The following NFILZ variants were observed in gnomAD, a reference collection of about 807,000 sequenced individuals.
The protein encoded by NFILZ is NFIL3 like basic leucine zipper.
At chr19:8,652,261 C>T (rs1283678083) in intron 3 of NFILZ, among the ~76,000 whole-genome samples, 1 of 152,158 alleles carries the variant, frequency 6.6e-6, no homozygotes, top group Non-Finnish European at 1.5e-5. Context: ...CGCCACCACA[C>T]CCGGCTAATT....
chr19:8,656,036 T>A (rs2042990646), intron 3 of NFILZ, among the ~76,000 whole-genome samples: 1 of 151,878 alleles, frequency 6.6e-6, no homozygotes, highest in Admixed American at 6.6e-5. Context: ...CTCTCCGAGG[T>A]TCTCTTCCTC....
Position 8,633,021 on chromosome 19 carries a change from C to CTTTT in NFILZ, c.-261+410_-261+413dup, listed in dbSNP as rs140247462. 6.1e-3 allele frequency among the ~76,000 whole-genome samples: 725 copies of CTTTT among 118,444 alleles called. 43 individuals are homozygous for CTTTT. Among genetic ancestry groups the CTTTT allele is most frequent in the African/African-American group, 0.023 (681 of 28,992 alleles). 77.7% of individuals were successfully genotyped at this position (118,444 alleles called of 152,430 possible). A position where few individuals can be genotyped will look rare whatever the true frequency, so the allele number is the denominator to read the frequency against. On this transcript the variant is annotated intron_variant, in intron 2 of 5. Transcript: ENST00000691075. ...TACAGGCATGAACCACTGCACCTGC[C>CTTTT]TTTTTTTTTTTTTTTTTGAGACAGA...
At chr19:8,665,419 G>C (rs1205194994) in intron 3 of NFILZ, among the ~76,000 whole-genome samples, 2 of 152,160 alleles carry the variant, frequency 1.3e-5, no homozygotes, top group African/African-American at 4.8e-5. Context: ...AAGGGATAGA[G>C]AAAAGCCTGG....
intron 4 of NFILZ, among the ~76,000 whole-genome samples, chr19:8,674,957 T>A (rs373869311): frequency 6.6e-6 from 1 of 151,302 alleles, no homozygotes; most frequent in Non-Finnish European, 1.5e-5. Context: ...AAAAATGTGG[T>A]GTCTTTCATG....
intron 3 of NFILZ, among the ~76,000 whole-genome samples, chr19:8,657,393 C>T (rs370920262): frequency 3.9e-5 from 6 of 151,984 alleles, no homozygotes; most frequent in Non-Finnish European, 7.4e-5. Flanking sequence ...TCAGCCACCG[C>T]GCCTGGCCTG....
intron 3 of NFILZ, among the ~76,000 whole-genome samples, chr19:8,637,930 A>G (rs1258134427): frequency 1.3e-5 from 2 of 149,322 alleles, no homozygotes; most frequent in African/African-American, 2.5e-5. Context: ...AAAAAAAAAA[A>G]AAAAGAAAAG....
At chr19:8,673,483 G>A (rs182835993) in intron 3 of NFILZ, among the ~76,000 whole-genome samples, 288 of 152,346 alleles carry the variant, frequency 1.9e-3, no homozygotes, top group African/African-American at 6.6e-3. Flanking sequence ...GTGGGCAGGT[G>A]TGGAGCCGCC....
intron 3 of NFILZ, among the ~76,000 whole-genome samples, chr19:8,656,144 C>G: frequency 6.6e-6 from 1 of 151,938 alleles, no homozygotes; most frequent in Admixed American, 6.6e-5. Flanking sequence ...CTGCCTCCAT[C>G]TGAGAAGGCC....
At chr19:8,631,830 TTGTGTGTGTG>T (rs71179868) in intron 1 of NFILZ, among the ~76,000 whole-genome samples, 25 of 146,010 alleles carry the variant, frequency 1.7e-4, no homozygotes, top group East Asian at 4.2e-4. Flanking sequence ...GTCCTCGCTT[TTGTGTGTGTG>T]TGTGTGTGTG....
chr19:8,652,821 CTT>C (rs1333628299), intron 3 of NFILZ, among the ~76,000 whole-genome samples: 4 of 147,260 alleles, frequency 2.7e-5, no homozygotes, highest in South Asian at 2.1e-4. Flanking sequence ...CTCTCTCTCT[CTT>C]CTTTCTCACT....
chr19:8,675,970 T>TA (rs1178559559), intron 4 of NFILZ, among the ~76,000 whole-genome samples: 6 of 151,946 alleles, frequency 3.9e-5, no homozygotes, highest in African/African-American at 1.2e-4. Context: ...CAATGTGATT[T>TA]AAAAAAAATG....
At position 8,678,046 on chromosome 19, in the gene NFILZ, A is replaced by AT. The variant is rs2043120795; in HGVS notation, c.*412dup. Reference sequence around the variant, plus strand: ...TATCCATCTATCCATCCATCCATCCATCCATCCACCCATCTATTCATCCAT... The same window carrying AT: ...TATCCATCTATCCATCCATCCATCCATTCCATCCACCCATCTATTCATCCAT... On this transcript the variant is annotated 3_prime_UTR_variant, in exon 6 of 6. Transcript: ENST00000691075. Among the ~76,000 whole-genome samples the AT allele has an allele frequency of 2.4e-5, 1 of 41,458 alleles. No homozygotes were observed. The highest frequency in any genetic ancestry group is 5.0e-5 in the Non-Finnish European group (1 of 19,988). 27.2% of individuals were successfully genotyped at this position (41,458 alleles called of 152,430 possible).
intron 3 of NFILZ, among the ~76,000 whole-genome samples, chr19:8,660,564 C>A (rs1202473760): frequency 1.6e-5 from 2 of 128,560 alleles, no homozygotes; most frequent in East Asian, 4.1e-4. Flanking sequence ...TCCTTCCTTC[C>A]TTCCTCCCCT....
At chr19:8,676,680 ATAAAT>A (rs1290121470) in intron 5 of NFILZ, among the ~76,000 whole-genome samples, 66 bp from the exon 6 acceptor site, 1 of 152,180 alleles carries the variant, frequency 6.6e-6, no homozygotes, top group Non-Finnish European at 1.5e-5. Context: ...GAGACAAAGG[ATAAAT>A]TAGAGAAAGG....
At position 8,669,440 on chromosome 19, in the gene NFILZ, C is replaced by G. The variant is rs956295805; in HGVS notation, c.-163-5111C>G. On this transcript the variant is annotated intron_variant, in intron 3 of 5. Coordinates refer to ENST00000691075, the MANE Select transcript of NFILZ (RefSeq NM_001378600.1). ...ACCTGACTTGCCCAGGCACACTTAG[C>G]TAGGGAGGAAAATTTGAACCCAGTT... Among the ~76,000 whole-genome samples, 8 of 152,140 alleles carry G rather than the reference C, an allele frequency of 5.3e-5. No homozygotes were observed. The East Asian group carries it at 1.5e-3, about 29-fold the overall frequency.
intron 3 of NFILZ, among the ~76,000 whole-genome samples, chr19:8,671,981 C>T (rs1203550787): frequency 2.6e-5 from 4 of 152,230 alleles, no homozygotes; most frequent in Non-Finnish European, 5.9e-5. Context: ...AGAGAGGACC[C>T]ATTCAGGCTC....
At chr19:8,675,576 T>C (rs2043106863) in intron 4 of NFILZ, among the ~76,000 whole-genome samples, 1 of 152,214 alleles carries the variant, frequency 6.6e-6, no homozygotes, top group Non-Finnish European at 1.5e-5. Context: ...TTTTCAAACC[T>C]GGGCAACAAA....
chr19:8,636,580 G>C (rs2042895833), intron 3 of NFILZ, among the ~76,000 whole-genome samples: 2 of 150,876 alleles, frequency 1.3e-5, no homozygotes, highest in African/African-American at 4.9e-5. Flanking sequence ...GAGTAGCTAG[G>C]ATTACAGGCA....
chr19:8,633,543 T>C (rs2042880054), intron 2 of NFILZ, among the ~76,000 whole-genome samples: 1 of 152,178 alleles, frequency 6.6e-6, no homozygotes, highest in Non-Finnish European at 1.5e-5. Flanking sequence ...CTTGGACCCT[T>C]GCCTAGGCTC....
Sources: allele counts gnomAD v4.1 joint callset (sites outside exome capture counted in the v4.1 genomes callset), GRCh38; gene constraint gnomAD v4.1.1; transcripts MANE v1.5; gene names NCBI Gene and HGNC (gene_info 2026-07-23, HGNC 2026-07-21).